The following PRDM16 variants were observed in gnomAD, a reference collection of about 807,000 sequenced individuals.
The protein encoded by PRDM16 is histone-lysine N-methyltransferase PRDM16.
In PRDM16, 23 loss-of-function variants were observed where a neutral mutation model predicts 110.6. The observed-to-expected ratio is 0.21, with a 90% CI of 0.15 to 0.29. The LOEUF is 0.29. Among genes scored for constraint, PRDM16 ranks in the 10% least tolerant of loss-of-function variants. PRDM16 has a pLI of 1.00. For synonymous variants in PRDM16, 799 were observed against 781.8 expected, an observed-to-expected ratio of 1.02 and a Z score of -0.37; for missense variants, 1,615 against 1,794.3, an observed-to-expected ratio of 0.90 and a Z score of 1.81.
chr1:3,117,204 T>C (rs1022601833), intron 1 of PRDM16, among the ~76,000 whole-genome samples: 1 of 152,186 alleles, frequency 6.6e-6, no homozygotes, highest in Non-Finnish European at 1.5e-5. Flanking sequence ...CACCGGCCTC[T>C]ATGAGAGCGT....
intron 3 of PRDM16, among the ~76,000 whole-genome samples, chr1:3,284,230 G>C (rs1176019822): frequency 6.6e-6 from 1 of 152,246 alleles, no homozygotes; most frequent in East Asian, 1.9e-4. Context: ...AGCGTCCCAG[G>C]TTCCCCAGAC....
chr1:3,432,199 C>A, intron 16 of PRDM16, 59 bp downstream of exon 16: 1 of 1,496,986 alleles, frequency 6.7e-7, no homozygotes, highest in Non-Finnish European at 9.2e-7. Context: ...CAGAGGACAG[C>A]CAGCACTCCT....
intron 3 of PRDM16, among the ~76,000 whole-genome samples, chr1:3,381,799 A>G (rs1183968006): frequency 6.6e-6 from 1 of 152,204 alleles, no homozygotes; most frequent in East Asian, 1.9e-4. Context: ...ATATATGAAG[A>G]GAGAGAGCCC....
intron 16 of PRDM16, among the ~76,000 whole-genome samples, 160 bp from the exon 17 acceptor site, chr1:3,433,512 ACGCGC>A (rs1256477815): frequency 5.0e-4 from 70 of 140,774 alleles, no homozygotes; most frequent in Non-Finnish European, 5.7e-4. Context: ...CGCCCTGCCC[ACGCGC>A]TCACCTGCCT....
chr1:3,344,129 G>A (rs1431347873), intron 3 of PRDM16, among the ~76,000 whole-genome samples: 1 of 152,100 alleles, frequency 6.6e-6, no homozygotes, highest in African/African-American at 2.4e-5. Flanking sequence ...TTGTGGCCAG[G>A]AGTTCTAGAC....
chr1:3,202,572 A>C (rs1438837094), intron 2 of PRDM16, among the ~76,000 whole-genome samples: 1 of 152,182 alleles, frequency 6.6e-6, no homozygotes, highest in African/African-American at 2.4e-5. Flanking sequence ...TGTCCCCTTA[A>C]GGGTCTGCAG....
Position 3,437,481 on chromosome 1 carries a change from GA to G in PRDM16, c.*3671del. 4.4e-6 allele frequency: 1 copy of G among 229,868 alleles called. No individual in the cohort carries two copies. Among genetic ancestry groups the G allele is most frequent in the Non-Finnish European group, 8.6e-6 (1 of 115,934 alleles). 14.2% of individuals were successfully genotyped at this position (229,868 alleles called of 1,614,324 possible). On this transcript the variant is annotated 3_prime_UTR_variant, in exon 17 of 17. Transcript: ENST00000270722. ...TATATTCACTGTGCTGTCCTAGGGG[GA>G]GGGAGAGCAGAGCTCGCCCCTGCAC... is the stretch of plus-strand genomic sequence containing the variant.
chr1:3,323,519 G>A (rs942028383), intron 3 of PRDM16, among the ~76,000 whole-genome samples: 2 of 152,208 alleles, frequency 1.3e-5, no homozygotes, highest in East Asian at 1.9e-4. Flanking sequence ...CAGGGAGGCC[G>A]GGGAGACAGC....
intron 1 of PRDM16, among the ~76,000 whole-genome samples, chr1:3,136,778 C>A (rs1201734024): frequency 2.0e-5 from 3 of 152,176 alleles, no homozygotes; most frequent in African/African-American, 7.2e-5. Context: ...CCATACAAAC[C>A]CTTCCTTCAG....
chr1:3,270,357 G>C (rs1640414033), intron 3 of PRDM16, among the ~76,000 whole-genome samples: 1 of 138,456 alleles, frequency 7.2e-6, no homozygotes, highest in Admixed American at 6.9e-5. Context: ...GACAGTCCCG[G>C]AGGAGGACAG....
Position 3,339,283 on chromosome 1 carries a change from C to T in PRDM16, c.439-45869C>T, listed in dbSNP as rs145910696. The stretch of plus-strand genomic sequence containing the variant: ...CCACCACAGTACCATCAAAGACAGA[C>T]GTCCTGCTTGTCTCGGTATCCCTGG... On this transcript the variant is annotated intron_variant, in intron 3 of 16. Coordinates refer to ENST00000270722, the MANE Select transcript of PRDM16 (RefSeq NM_022114.4). The surrounding 1 kb of genome is among the most constrained non-coding windows in gnomAD (Gnocchi z 5.0). Among the ~76,000 whole-genome samples, 247 of 152,170 alleles carry T rather than the reference C, an allele frequency of 1.6e-3. 3 individuals are homozygous for T. The highest frequency in any genetic ancestry group is 5.7e-3 in the African/African-American group (238 of 41,524).
At position 3,435,023 on chromosome 1, in the gene PRDM16, G is replaced by C. The variant is rs191827297; in HGVS notation, c.*1212G>C. ...CACGTCGCTCTTCCTGCGGGTTCTT[G>C]GCGAGACACAGCTTGAGAACAGAAG... is the stretch of plus-strand genomic sequence containing the variant. On this transcript the variant is annotated 3_prime_UTR_variant, in exon 17 of 17. Transcript: ENST00000270722. 6 of 227,832 alleles carry C rather than the reference G, an allele frequency of 2.6e-5. No individual in the cohort carries two copies. Among genetic ancestry groups the C allele is most frequent in the Non-Finnish European group, 5.2e-5 (6 of 114,588 alleles). 14.1% of individuals were successfully genotyped at this position (227,832 alleles called of 1,614,324 possible).
At chr1:3,300,567 C>T (rs935801946) in intron 3 of PRDM16, among the ~76,000 whole-genome samples, 2 of 152,216 alleles carry the variant, frequency 1.3e-5, no homozygotes, top group African/African-American at 2.4e-5. Flanking sequence ...AGGAGCACAT[C>T]TCCTCCTCCA....
chr1:3,388,243 A>G (rs1643235038), intron 4 of PRDM16, among the ~76,000 whole-genome samples: 1 of 152,082 alleles, frequency 6.6e-6, no homozygotes. Flanking sequence ...ACAAACACAC[A>G]CAAGTGAACA....
chr1:3,159,210 A>T (rs556363209), intron 1 of PRDM16, among the ~76,000 whole-genome samples: 2 of 152,376 alleles, frequency 1.3e-5, no homozygotes, highest in South Asian at 4.1e-4. Context: ...CCGAAGCCAG[A>T]TGCCTGTCCT....
chr1:3,389,287 C>T (rs1430646868), intron 4 of PRDM16, among the ~76,000 whole-genome samples: 1 of 152,210 alleles, frequency 6.6e-6, no homozygotes, highest in Non-Finnish European at 1.5e-5. Context: ...GGAGGCAGGA[C>T]CGGCTAAGCT....
chr1:3,349,728 C>T (rs1642443784), intron 3 of PRDM16, among the ~76,000 whole-genome samples: 1 of 152,160 alleles, frequency 6.6e-6, no homozygotes, highest in Admixed American at 6.5e-5. Flanking sequence ...CTCTGGGGGT[C>T]TTCAAAGCTC....
intron 3 of PRDM16, chr1:3,307,016 C>G (rs1037613358): frequency 2.6e-5 from 4 of 152,376 alleles, no homozygotes; most frequent in Middle Eastern, 3.4e-3. Context: ...CTACCTCACT[C>G]GTTCTTATGG....
chr1:3,242,379 C>A (rs1639693068), intron 2 of PRDM16, among the ~76,000 whole-genome samples: 1 of 152,220 alleles, frequency 6.6e-6, no homozygotes, highest in African/African-American at 2.4e-5. Context: ...CGGGGCGGCT[C>A]ACTACGGCGG....
Sources: gnomAD v4.1 joint callset for allele counts (sites outside exome capture counted in the v4.1 genomes callset) on GRCh38, gnomAD v4.1.1 for gene constraint, Gnocchi (gnomAD v3.1) non-coding constraint, MANE v1.5 for transcripts, NCBI Gene and HGNC (gene_info 2026-07-23, HGNC 2026-07-21) for gene names.